Variants in CTNND2 observed in about 807,000 individuals in gnomAD.
CTNND2 encodes catenin delta 2.
Under a neutral mutation model 144.4 loss-of-function variants are expected in CTNND2, and 22 were observed. That is an observed-to-expected ratio of 0.15 (90% CI 0.11 to 0.22). The LOEUF (loss-of-function observed/expected upper bound fraction) is 0.22. CTNND2 is among the 10% of genes least tolerant of loss of function. The pLI, the probability that CTNND2 is intolerant of heterozygous loss-of-function variation, is 1.00. For missense variants in CTNND2, 1,353 were observed against 1,618.8 expected, an observed-to-expected ratio of 0.84 and a Z score of 2.82; for synonymous variants, 751 against 695.6, an observed-to-expected ratio of 1.08 and a Z score of -1.25.
chr5:11,388,105 A>G (rs1759271486), intron 6 of CTNND2, among the ~76,000 whole-genome samples: 1 of 152,212 alleles, frequency 6.6e-6, no homozygotes, highest in Admixed American at 6.5e-5. Context: ...ATCTTGGTAA[A>G]ATTGTGCTAA....
At chr5:11,166,013 C>T (rs1296633155) in intron 11 of CTNND2, among the ~76,000 whole-genome samples, 1 of 152,110 alleles carries the variant, frequency 6.6e-6, no homozygotes, top group Non-Finnish European at 1.5e-5. Flanking sequence ...TTAGACGTAG[C>T]ATGAATCCTC....
chr5:11,227,594 A>G (rs1740499676), intron 10 of CTNND2, among the ~76,000 whole-genome samples: 1 of 152,256 alleles, frequency 6.6e-6, no homozygotes, highest in African/African-American at 2.4e-5. Flanking sequence ...AACTAAGAAT[A>G]AAGTAGAAAT....
chr5:11,311,649 G>A (rs1420815171), intron 9 of CTNND2, among the ~76,000 whole-genome samples: 3 of 98,900 alleles, frequency 3.0e-5, no homozygotes, highest in South Asian at 3.8e-4. Context: ...TCACACTCCC[G>A]ATATACCCTC....
In CTNND2 at chr5:11,418,247, A is replaced by C. The variant is rs554129047; in HGVS notation, c.288-6178T>G. ...CATGGAGAAACCCCATCTCTACTAAAAATACAAAAGTAGCTGGGCGTGGTG... is the reference window on the plus strand; with the variant it reads ...CATGGAGAAACCCCATCTCTACTAACAATACAAAAGTAGCTGGGCGTGGTG... On this transcript the variant is annotated intron_variant, in intron 3 of 21. Coordinates refer to ENST00000304623, the MANE Select transcript of CTNND2 (RefSeq NM_001332.4). 1.1e-3 allele frequency among the ~76,000 whole-genome samples: 173 copies of C among 152,114 alleles called. 1 individual carries two copies. Among genetic ancestry groups the C allele is most frequent in the African/African-American group, 3.7e-3 (153 of 41,490 alleles).
rs1007210525 is a variant in CTNND2 at position 11,837,662 on chromosome 5, G to T, written c.37+66155C>A. Among the ~76,000 whole-genome samples the T allele has an allele frequency of 2.0e-5, 3 of 151,350 alleles. No homozygotes were observed. The East Asian group carries it at 5.8e-4, about 29-fold the overall frequency. On this transcript the variant is annotated intron_variant, in intron 1 of 21. Transcript: ENST00000304623. The stretch of plus-strand genomic sequence containing the variant: ...AACAAGTCAGATCCTCTGGACAAAA[G>T]GTTTGAAGGTTTTGTTTGTTTGTTT...
intron 3 of CTNND2, among the ~76,000 whole-genome samples, chr5:11,502,388 T>C (rs1770616644): frequency 6.6e-6 from 1 of 152,136 alleles, no homozygotes; most frequent in South Asian, 2.1e-4. Flanking sequence ...TCCTATATAA[T>C]CCTTACGATT....
chr5:11,891,543 T>C (rs1430529691), intron 1 of CTNND2, among the ~76,000 whole-genome samples: 1 of 152,072 alleles, frequency 6.6e-6, no homozygotes, highest in Non-Finnish European at 1.5e-5. Flanking sequence ...CGGAAGGTAA[T>C]TAGTGTTAGA....
chr5:11,100,752 C>A (rs942084463), intron 14 of CTNND2, among the ~76,000 whole-genome samples: 3 of 152,148 alleles, frequency 2.0e-5, no homozygotes, highest in Admixed American at 6.5e-5. Flanking sequence ...AAATGTGAAA[C>A]TTCCAACTCA....
chr5:11,347,010 G>A (rs1032867384), intron 8 of CTNND2, among the ~76,000 whole-genome samples: 3 of 152,158 alleles, frequency 2.0e-5, no homozygotes, highest in Non-Finnish European at 2.9e-5. Context: ...AATGTGTTCC[G>A]GTAATGTTAT....
intron 9 of CTNND2, among the ~76,000 whole-genome samples, chr5:11,241,736 A>T (rs1742473945): frequency 6.6e-6 from 1 of 152,228 alleles, no homozygotes; most frequent in Non-Finnish European, 1.5e-5. Context: ...GATATACCCC[A>T]GAGAAATAGC....
chr5:11,903,899 G>A lies in CTNND2; in HGVS notation c.-46C>T, dbSNP rs1374417048. The A allele has an allele frequency of 5.7e-6, 8 of 1,406,400 alleles. No homozygotes were observed. The highest frequency in any genetic ancestry group is 6.4e-6 in the Non-Finnish European group (7 of 1,087,424). The allele number at this position is 1,406,400 out of a possible 1,614,324, so 87.1% of individuals were successfully genotyped here. ...CTCCTCAGTCCGGGAAGAGGCGTGC[G>A]CGGCGCCGCCCGGCTTCAGGGCAAG... On this transcript the variant is annotated 5_prime_UTR_variant, in exon 1 of 22. Coordinates refer to ENST00000304623, the MANE Select transcript of CTNND2 (RefSeq NM_001332.4). This position sits in a 1 kb window ranked among gnomAD's most constrained non-coding sequence, Gnocchi z 5.4.
At position 11,025,225 on chromosome 5, in the gene CTNND2, C is replaced by T. The variant is rs539087843; in HGVS notation, c.2789-2246G>A. ...AAACAAATCAGGTAATATTATTCCACGGAGAAGAAAACCTCGGGGCAGTTT... is the reference window on the plus strand; with the variant it reads ...AAACAAATCAGGTAATATTATTCCATGGAGAAGAAAACCTCGGGGCAGTTT... On this transcript the variant is annotated intron_variant, in intron 16 of 21. Coordinates refer to ENST00000304623, the MANE Select transcript of CTNND2 (RefSeq NM_001332.4). Among the ~76,000 whole-genome samples, 48 of 152,204 alleles carry T rather than the reference C, an allele frequency of 3.2e-4. 1 individual carries two copies. In the South Asian group the frequency reaches 6.0e-3, roughly 19 times the overall value.
chr5:11,678,127 A>G (rs954238133), intron 2 of CTNND2, among the ~76,000 whole-genome samples: 3 of 152,214 alleles, frequency 2.0e-5, no homozygotes, highest in African/African-American at 7.2e-5. Context: ...TGGCATTGAC[A>G]ATACAAGAAA....
chr5:10,973,156 C>T lies in CTNND2; in HGVS notation c.*297G>A, dbSNP rs1736014457. 3 of 275,554 alleles carry T rather than the reference C, an allele frequency of 1.1e-5. No homozygotes were observed. 17.1% of individuals were successfully genotyped at this position (275,554 alleles called of 1,614,324 possible). On this transcript the variant is annotated 3_prime_UTR_variant, in exon 22 of 22. Transcript: ENST00000304623. The surrounding 1 kb of genome is among the most constrained non-coding windows in gnomAD (Gnocchi z 5.6). The stretch of plus-strand genomic sequence containing the variant: ...CCACCGGCCCGAATGCCTCGTCTCT[C>T]CTCCCATCAACCACGTTCAGTATAA...
intron 2 of CTNND2, among the ~76,000 whole-genome samples, chr5:11,708,390 C>A (rs1001046081): frequency 7.2e-5 from 11 of 152,056 alleles, no homozygotes; most frequent in African/African-American, 2.7e-4. Flanking sequence ...AAGTGAAAAG[C>A]TGTAAGTAAG....
chr5:11,356,127 T>G (rs903440538), intron 8 of CTNND2, among the ~76,000 whole-genome samples: 13 of 152,044 alleles, frequency 8.6e-5, no homozygotes, highest in African/African-American at 1.2e-4. Context: ...CTACACAAAG[T>G]GATCTACAGA....
chr5:11,883,256 C>T (rs114138407), intron 1 of CTNND2, among the ~76,000 whole-genome samples: 3,389 of 152,130 alleles, frequency 0.022, 66 homozygotes, highest in African/African-American at 0.041. Flanking sequence ...TAGGTATACA[C>T]GTGACATGGT....
intron 19 of CTNND2, among the ~76,000 whole-genome samples, chr5:10,990,214 G>A (rs1329637447): frequency 6.6e-6 from 1 of 152,242 alleles, no homozygotes; most frequent in Non-Finnish European, 1.5e-5. Context: ...AGGGAAGAGA[G>A]GTTCCAGGGG....
Position 11,090,562 on chromosome 5 carries a change from T to C in CTNND2, c.2638-7716A>G, listed in dbSNP as rs542150124. On this transcript the variant is annotated intron_variant, in intron 15 of 21. Transcript: ENST00000304623. ...CAAACCCTATTGTGAACTGTGCATG[T>C]GAGGGATCTAGGTTGCATGCTCCTC... Among the ~76,000 whole-genome samples, 176 of 152,290 alleles carry C rather than the reference T, an allele frequency of 1.2e-3. 1 individual carries two copies. Among genetic ancestry groups the C allele is most frequent in the Non-Finnish European group, 1.9e-3 (130 of 68,020 alleles).
Sources: gnomAD v4.1 joint callset for allele counts (sites outside exome capture counted in the v4.1 genomes callset) on GRCh38, gnomAD v4.1.1 for gene constraint, Gnocchi (gnomAD v3.1) non-coding constraint, MANE v1.5 for transcripts, NCBI Gene and HGNC (gene_info 2026-07-23, HGNC 2026-07-21) for gene names.